PSD3: variants seen among roughly 807,000 people sequenced by gnomAD.
PSD3 encodes the protein pleckstrin and Sec7 domain containing 3, also known as PH and SEC7 domain-containing protein 3.
Under a neutral mutation model 105.5 loss-of-function variants are expected in PSD3, and 49 were observed. The ratio of observed to expected loss-of-function variants is 0.46; its 90% CI spans 0.37 to 0.59. PSD3 has a LOEUF of 0.59. PSD3 is among the 20% of genes least tolerant of loss of function. The pLI, the probability that PSD3 is intolerant of heterozygous loss-of-function variation, is 0.00. For synonymous variants in PSD3, 557 were observed against 457.8 expected (o/e 1.22, Z -2.77); for missense variants, 1,561 against 1,263.8 (o/e 1.24, Z -3.57).
intron 4 of PSD3, among the ~76,000 whole-genome samples, chr8:18,834,059 C>T (rs917906906): frequency 6.6e-6 from 1 of 150,656 alleles, no homozygotes; most frequent in Non-Finnish European, 1.5e-5. Context: ...AAGTGAATTA[C>T]AGTTAAATAA....
intron 4 of PSD3, among the ~76,000 whole-genome samples, chr8:18,856,633 G>A (rs1816031032): frequency 6.6e-6 from 1 of 152,132 alleles, no homozygotes; most frequent in African/African-American, 2.4e-5. Context: ...ACAAGAAAAT[G>A]TCACCTTGTT....
At chr8:18,775,772 G>A (rs557733784) in intron 8 of PSD3, among the ~76,000 whole-genome samples, 9 of 152,232 alleles carry the variant, frequency 5.9e-5, no homozygotes, top group African/African-American at 2.2e-4. Flanking sequence ...CTACCATTCT[G>A]TAGCTTGTAT....
intron 9 of PSD3, among the ~76,000 whole-genome samples, chr8:18,732,362 A>G (rs1194903686): frequency 6.6e-6 from 1 of 152,250 alleles, no homozygotes; most frequent in Non-Finnish European, 1.5e-5. Context: ...TCAGTAATCT[A>G]TTGCTCTGTA....
intron 1 of PSD3, among the ~76,000 whole-genome samples, chr8:19,026,918 T>C (rs1827575794): frequency 6.7e-6 from 1 of 149,714 alleles, no homozygotes; most frequent in Non-Finnish European, 1.5e-5. Context: ...AAGGAAAATG[T>C]TTACTGAATG....
At chr8:18,935,811 T>A (rs1209711357) in intron 2 of PSD3, among the ~76,000 whole-genome samples, 1 of 152,152 alleles carries the variant, frequency 6.6e-6, no homozygotes, top group Non-Finnish European at 1.5e-5. Flanking sequence ...AAGCTGAGAA[T>A]TCTTCAAACC....
At chr8:18,804,487 A>G in intron 6 of PSD3, 35 bp downstream of exon 6, 1 of 1,512,286 alleles carries the variant, frequency 6.6e-7, no homozygotes, top group East Asian at 2.3e-5. Context: ...AATCATTTGA[A>G]AGCAATGACG....
At chr8:18,658,138 C>T (rs913600628) in intron 9 of PSD3, among the ~76,000 whole-genome samples, 2 of 152,194 alleles carry the variant, frequency 1.3e-5, no homozygotes, top group African/African-American at 4.8e-5. Flanking sequence ...GTGTAAACAA[C>T]ATAGAATAGA....
chr8:18,916,904 G>T (rs947798066), intron 2 of PSD3, among the ~76,000 whole-genome samples: 1 of 151,632 alleles, frequency 6.6e-6, no homozygotes, highest in Admixed American at 6.6e-5. Context: ...AAGGAAATAA[G>T]GGAGAGAAGT....
chr8:18,958,470 T>A (rs1217715324), intron 1 of PSD3, among the ~76,000 whole-genome samples: 1 of 152,210 alleles, frequency 6.6e-6, no homozygotes, highest in Non-Finnish European at 1.5e-5. Context: ...TCCCAGGACA[T>A]AGATTCTTTC....
intron 8 of PSD3, among the ~76,000 whole-genome samples, chr8:18,778,095 G>A (rs1200142596): frequency 6.6e-6 from 1 of 152,170 alleles, no homozygotes; most frequent in Non-Finnish European, 1.5e-5. Flanking sequence ...TAGTACTGTA[G>A]TAAGTACAGG....
intron 1 of PSD3, among the ~76,000 whole-genome samples, chr8:19,036,253 G>A (rs865846441): frequency 6.6e-6 from 1 of 152,016 alleles, no homozygotes; most frequent in Non-Finnish European, 1.5e-5. Context: ...CCCAAATCTT[G>A]TCAACTTCCC....
intron 8 of PSD3, among the ~76,000 whole-genome samples, chr8:18,789,601 A>C (rs1393227728): frequency 6.6e-6 from 1 of 152,344 alleles, no homozygotes; most frequent in Admixed American, 6.5e-5. Flanking sequence ...TAGAATACTG[A>C]AATATCAGAC....
At chr8:18,811,331 T>C (rs1160038796) in intron 4 of PSD3, among the ~76,000 whole-genome samples, 2 of 152,210 alleles carry the variant, frequency 1.3e-5, no homozygotes, top group African/African-American at 4.8e-5. Context: ...AGTCATCTTC[T>C]GGTATGTCTG....
chr8:18,929,343 G>C (rs62495885), intron 2 of PSD3, among the ~76,000 whole-genome samples: 2 of 152,116 alleles, frequency 1.3e-5, no homozygotes, highest in Admixed American at 6.5e-5. Context: ...TATCCTAACA[G>C]TAGAGCCACA....
chr8:19,025,399 A>G (rs2129476017), intron 1 of PSD3, among the ~76,000 whole-genome samples: 1 of 152,142 alleles, frequency 6.6e-6, no homozygotes, highest in East Asian at 1.9e-4. Context: ...GAGTACACAC[A>G]CTCACACTCC....
At chr8:18,896,206 T>C (rs1315466727) in intron 2 of PSD3, among the ~76,000 whole-genome samples, 2 of 152,270 alleles carry the variant, frequency 1.3e-5, no homozygotes, top group Non-Finnish European at 2.9e-5. Flanking sequence ...ATTTTCTTTA[T>C]GCTTTCATCT....
chr8:18,870,393 A>C (rs1212993703), intron 3 of PSD3, among the ~76,000 whole-genome samples: 2 of 149,836 alleles, frequency 1.3e-5, no homozygotes, highest in Non-Finnish European at 3.0e-5. Flanking sequence ...TGTAGATGTC[A>C]GAAATGCAGG....
At chr8:18,779,724 T>C (rs1209213984) in intron 8 of PSD3, among the ~76,000 whole-genome samples, 2 of 152,208 alleles carry the variant, frequency 1.3e-5, no homozygotes, top group Non-Finnish European at 2.9e-5. Context: ...CTTAATTTCC[T>C]TGTATTTGTA....
At chr8:19,077,558 T>C (rs1486501432) in intron 1 of PSD3, among the ~76,000 whole-genome samples, 1 of 152,192 alleles carries the variant, frequency 6.6e-6, no homozygotes, top group Non-Finnish European at 1.5e-5. Context: ...GCCCACCTTT[T>C]TCGTTTGCCT....
Sources: gnomAD v4.1 joint callset for allele counts (sites outside exome capture counted in the v4.1 genomes callset) on GRCh38, gnomAD v4.1.1 for gene constraint, MANE v1.5 for transcripts, NCBI Gene and HGNC (gene_info 2026-07-23, HGNC 2026-07-21) for gene names.